The following TNNI3K variants were observed in gnomAD, a reference collection of about 807,000 sequenced individuals.
TNNI3K encodes the protein TNNI3 interacting kinase, also known as serine/threonine-protein kinase TNNI3K.
In TNNI3K, 140 loss-of-function variants were observed where a neutral mutation model predicts 114.5. The observed-to-expected ratio is 1.22, with a 90% CI of 1.07 to 1.41. The LOEUF (loss-of-function observed/expected upper bound fraction) is 1.41, where lower values mean the gene tolerates loss of function less well. Ranked by LOEUF, TNNI3K falls within the 40% of genes most tolerant of loss-of-function variation. TNNI3K has a pLI of 0.00. For missense variants in TNNI3K, 1,125 were observed against 1,007.6 expected, an observed-to-expected ratio of 1.12 and a Z score of -1.58; for synonymous variants, 347 against 347.5, an observed-to-expected ratio of 1.00 and a Z score of 0.02.
chr1:74,253,576 CTGGCCCGGGTGCT>C (rs2100854185), intron 4 of TNNI3K, among the ~76,000 whole-genome samples: 1 of 152,302 alleles, frequency 6.6e-6, no homozygotes, highest in South Asian at 2.1e-4. Flanking sequence ...TCCGCAGCTG[CTGGCCCGGGTGCT>C]AATCCCCTCA....
chr1:74,539,430 A>G (rs190344031), intron 23 of TNNI3K, among the ~76,000 whole-genome samples: 51 of 152,278 alleles, frequency 3.3e-4, no homozygotes, highest in African/African-American at 9.1e-4. Context: ...TAGATATACA[A>G]TTAACTGACT....
intron 5 of TNNI3K, among the ~76,000 whole-genome samples, chr1:74,299,296 G>A (rs1658175835): frequency 6.6e-6 from 1 of 152,032 alleles, no homozygotes; most frequent in East Asian, 1.9e-4. Context: ...TTTATTTTTT[G>A]TTTAGAGAAT....
At chr1:74,272,195 A>C (rs2100895733) in intron 5 of TNNI3K, among the ~76,000 whole-genome samples, 1 of 152,066 alleles carries the variant, frequency 6.6e-6, no homozygotes, top group East Asian at 1.9e-4. Context: ...CCTATTATGC[A>C]CCGGATACTG....
chr1:74,328,599 C>A (rs1452696707), intron 5 of TNNI3K, among the ~76,000 whole-genome samples: 1 of 152,026 alleles, frequency 6.6e-6, no homozygotes, highest in Non-Finnish European at 1.5e-5. Flanking sequence ...GCCTACAATT[C>A]AAAAATGACT....
At chr1:74,347,988 G>A (rs903981168) in intron 9 of TNNI3K, among the ~76,000 whole-genome samples, 1 of 152,176 alleles carries the variant, frequency 6.6e-6, no homozygotes, top group Non-Finnish European at 1.5e-5. Flanking sequence ...CTGTGCAGAA[G>A]TTCTTTAGTT....
intron 17 of TNNI3K, chr1:74,418,223 G>C (rs1013953036): frequency 1.6e-5 from 7 of 451,586 alleles, no homozygotes; most frequent in Non-Finnish European, 3.1e-5. Context: ...CTTTGAACAT[G>C]AGGCAGTGCA....
At chr1:74,255,706 AATCATGTAACC>A (rs1195607338) in intron 4 of TNNI3K, among the ~76,000 whole-genome samples, 5 of 152,234 alleles carry the variant, frequency 3.3e-5, no homozygotes, top group Admixed American at 1.3e-4. Context: ...AAATGTATGT[AATCATGTAACC>A]ATCATCACAG....
At chr1:74,464,993 A>T (rs1667606208) in intron 21 of TNNI3K, 1 of 1,193,294 alleles carries the variant, frequency 8.4e-7, no homozygotes, top group Non-Finnish European at 1.0e-6. Flanking sequence ...CTTGAAAATT[A>T]CATCACATAA....
In TNNI3K at chr1:74,347,393, T is replaced by C. The variant is rs182039762; in HGVS notation, c.932+4214T>C. ...TATGTGCCACGTTTTCTTAATCTAG[T>C]CTATCATTGTTGGACATTTGGGTTG... On this transcript the variant is annotated intron_variant, in intron 9 of 24. Transcript: ENST00000326637. Among the ~76,000 whole-genome samples the C allele has an allele frequency of 1.1e-3, 172 of 152,162 alleles. 1 individual carries two copies. The highest frequency in any genetic ancestry group is 4.0e-3 in the African/African-American group (165 of 41,496).
intron 4 of TNNI3K, among the ~76,000 whole-genome samples, chr1:74,271,013 A>C (rs1391853880): frequency 6.6e-6 from 1 of 151,766 alleles, no homozygotes; most frequent in Non-Finnish European, 1.5e-5. Flanking sequence ...TAGTTCTAAC[A>C]TATTCACTGG....
intron 9 of TNNI3K, among the ~76,000 whole-genome samples, chr1:74,351,692 C>G (rs984625452): frequency 6.6e-6 from 1 of 152,108 alleles, no homozygotes; most frequent in South Asian, 2.1e-4. Flanking sequence ...CTCTAAACTT[C>G]TCTTCACACT....
chr1:74,383,754 A>G (rs1819025), intron 17 of TNNI3K, among the ~76,000 whole-genome samples: 151,834 of 152,234 alleles, frequency 1, 75,719 homozygotes, highest in Non-Finnish European at 1. Context: ...AATAATCAAG[A>G]AACATAAGGA....
chr1:74,460,284 G>T (rs562901461), intron 20 of TNNI3K, among the ~76,000 whole-genome samples: 34 of 152,134 alleles, frequency 2.2e-4, no homozygotes, highest in African/African-American at 8.0e-4. Flanking sequence ...AGCCAGGATG[G>T]TCTCAATCTC....
At chr1:74,298,384 A>G (rs1490251682) in intron 5 of TNNI3K, among the ~76,000 whole-genome samples, 1 of 152,196 alleles carries the variant, frequency 6.6e-6, no homozygotes, top group Non-Finnish European at 1.5e-5. Context: ...ATATGAATAT[A>G]TAGGTAAGCA....
intron 21 of TNNI3K, chr1:74,470,423 T>C (rs1667867706): frequency 7.5e-6 from 3 of 400,642 alleles, no homozygotes; most frequent in Admixed American, 8.8e-5. Context: ...CCGTCATTTC[T>C]GGGCAATGCA....
At position 74,259,646 on chromosome 1, in the gene TNNI3K, G is replaced by A. The variant is rs555892555; in HGVS notation, c.333+8877G>A. Among the ~76,000 whole-genome samples the A allele has an allele frequency of 1.4e-4, 21 of 152,190 alleles. No individual in the cohort carries two copies. In the East Asian group the frequency reaches 2.1e-3, roughly 15 times the overall value. The stretch of plus-strand genomic sequence containing the variant: ...AAATTAGCCATATGTGGTGGTGTGC[G>A]CCTATAGTCCCAGCTACTTGGGAGG... On this transcript the variant is annotated intron_variant, in intron 4 of 24. Transcript: ENST00000326637.
At chr1:74,484,079 C>T (rs1274577799) in intron 21 of TNNI3K, among the ~76,000 whole-genome samples, 2 of 151,112 alleles carry the variant, frequency 1.3e-5, no homozygotes, top group Admixed American at 1.3e-4. Flanking sequence ...TAAATGGGTA[C>T]TCTAAGTGTT....
intron 5 of TNNI3K, among the ~76,000 whole-genome samples, chr1:74,290,700 TTTTC>T (rs1474758657): frequency 3.3e-5 from 5 of 151,762 alleles, no homozygotes; most frequent in Non-Finnish European, 5.9e-5. Flanking sequence ...CACTCAAGTT[TTTTC>T]TTTCTTTTTA....
At chr1:74,381,671 T>C (rs1663209604) in intron 17 of TNNI3K, among the ~76,000 whole-genome samples, 5 of 152,090 alleles carry the variant, frequency 3.3e-5, no homozygotes, top group African/African-American at 7.3e-5. Context: ...TCACTCCTTC[T>C]TGGTTCGAAC....
Sources: gnomAD v4.1 joint callset for allele counts (sites outside exome capture counted in the v4.1 genomes callset) on GRCh38, gnomAD v4.1.1 for gene constraint, MANE v1.5 for transcripts, NCBI Gene and HGNC (gene_info 2026-07-23, HGNC 2026-07-21) for gene names.